CNTNAP2: variants seen among roughly 807,000 people sequenced by gnomAD.
The protein encoded by CNTNAP2 is contactin-associated protein-like 2.
Under a neutral mutation model 155.2 loss-of-function variants are expected in CNTNAP2, and 98 were observed. The ratio of observed to expected loss-of-function variants is 0.63; its 90% CI spans 0.54 to 0.75. The LOEUF (loss-of-function observed/expected upper bound fraction) is 0.75, where lower values mean the gene tolerates loss of function less well. CNTNAP2 is among the 30% of genes least tolerant of loss of function. The pLI is 0.00. For synonymous variants in CNTNAP2, 651 were observed against 631.2 expected (o/e 1.03, Z -0.47); for missense variants, 1,727 against 1,688.1 (o/e 1.02, Z -0.40).
intron 15 of CNTNAP2, among the ~76,000 whole-genome samples, chr7:148,058,410 C>T (rs556384726): frequency 6.6e-6 from 1 of 152,258 alleles, no homozygotes; most frequent in South Asian, 2.1e-4. Context: ...GGGCCCTTCT[C>T]GTTTTGCCTG....
chr7:146,569,182 A>G (rs1027003468), intron 1 of CNTNAP2, among the ~76,000 whole-genome samples: 12 of 151,872 alleles, frequency 7.9e-5, no homozygotes, highest in African/African-American at 2.7e-4. Flanking sequence ...ACGCCCGGCT[A>G]ATTTTTTGTA....
chr7:147,775,337 A>ATCTG (rs1797560066), intron 13 of CNTNAP2, among the ~76,000 whole-genome samples: 1 of 50,220 alleles, frequency 2.0e-5, no homozygotes, highest in African/African-American at 1.6e-4. Context: ...ATATATTTAT[A>ATCTG]AATATATATA....
intron 13 of CNTNAP2, among the ~76,000 whole-genome samples, chr7:147,854,545 A>G (rs1184372831): frequency 6.6e-6 from 1 of 152,074 alleles, no homozygotes; most frequent in East Asian, 1.9e-4. Context: ...ACATTTAGAA[A>G]ATATAAAACT....
chr7:146,527,097 A>G (rs1019618841), intron 1 of CNTNAP2, among the ~76,000 whole-genome samples: 6 of 152,116 alleles, frequency 3.9e-5, no homozygotes, highest in Admixed American at 2.6e-4. Flanking sequence ...TTTTTTTAGA[A>G]AAAAAAATCC....
At chr7:147,127,391 T>C (rs1017599583) in intron 6 of CNTNAP2, among the ~76,000 whole-genome samples, 9 of 152,056 alleles carry the variant, frequency 5.9e-5, no homozygotes, top group Non-Finnish European at 8.8e-5. Flanking sequence ...TTTTTTTTTT[T>C]ACCATCACCT....
chr7:147,905,964 A>G (rs1175889994), intron 14 of CNTNAP2, among the ~76,000 whole-genome samples: 1 of 152,018 alleles, frequency 6.6e-6, no homozygotes, highest in Non-Finnish European at 1.5e-5. Context: ...GGAGTGAAGG[A>G]AGGAATCCAT....
At chr7:148,297,763 T>C (rs2116493506) in intron 21 of CNTNAP2, among the ~76,000 whole-genome samples, 1 of 152,268 alleles carries the variant, frequency 6.6e-6, no homozygotes, top group Non-Finnish European at 1.5e-5. Context: ...TTGGATCATT[T>C]TCGTGTTCTG....
chr7:147,734,672 T>C (rs903794173), intron 13 of CNTNAP2, among the ~76,000 whole-genome samples: 1 of 152,198 alleles, frequency 6.6e-6, no homozygotes, highest in African/African-American at 2.4e-5. Flanking sequence ...GGTAAGCTAT[T>C]AATTATTGCC....
At chr7:146,131,733 T>C (rs904347076) in intron 1 of CNTNAP2, among the ~76,000 whole-genome samples, 11 of 152,184 alleles carry the variant, frequency 7.2e-5, no homozygotes, top group Non-Finnish European at 1.6e-4. Flanking sequence ...AAGTACTAGA[T>C]GATTATGCAT....
chr7:148,075,618 A>T (rs953355395), intron 15 of CNTNAP2, among the ~76,000 whole-genome samples: 1 of 152,198 alleles, frequency 6.6e-6, no homozygotes, highest in Non-Finnish European at 1.5e-5. Context: ...ATGGAGCCTC[A>T]GCAACAACAA....
chr7:147,569,049 C>A (rs1292931135), intron 12 of CNTNAP2, among the ~76,000 whole-genome samples: 1 of 152,132 alleles, frequency 6.6e-6, no homozygotes, highest in African/African-American at 2.4e-5. Flanking sequence ...TTCTTCCTAG[C>A]CCTGGTTTTG....
intron 1 of CNTNAP2, among the ~76,000 whole-genome samples, chr7:146,603,052 C>A (rs1798975666): frequency 6.6e-6 from 1 of 151,462 alleles, no homozygotes; most frequent in Non-Finnish European, 1.5e-5. Context: ...AAGCATAGGG[C>A]TCTGCACTTA....
At chr7:147,005,718 G>A (rs1163391550) in intron 3 of CNTNAP2, among the ~76,000 whole-genome samples, 3 of 152,028 alleles carry the variant, frequency 2.0e-5, no homozygotes, top group East Asian at 3.9e-4. Context: ...TGGTGATTTA[G>A]TTATCCTTTT....
At chr7:146,412,730 A>G (rs955246641) in intron 1 of CNTNAP2, among the ~76,000 whole-genome samples, 1 of 152,222 alleles carries the variant, frequency 6.6e-6, no homozygotes, top group Non-Finnish European at 1.5e-5. Flanking sequence ...GAATTAATTC[A>G]CTAGTTACAT....
intron 10 of CNTNAP2, among the ~76,000 whole-genome samples, chr7:147,468,182 A>G (rs1352294197): frequency 2.0e-5 from 3 of 152,124 alleles, no homozygotes; most frequent in South Asian, 2.1e-4. Flanking sequence ...TTTCAGCTAT[A>G]TAAGAGGCTG....
intron 8 of CNTNAP2, among the ~76,000 whole-genome samples, chr7:147,182,260 C>T (rs1802476688): frequency 6.6e-6 from 1 of 151,898 alleles, no homozygotes; most frequent in Non-Finnish European, 1.5e-5. Flanking sequence ...TAGTACAGCC[C>T]ATTAATTATT....
intron 1 of CNTNAP2, among the ~76,000 whole-genome samples, chr7:146,371,525 C>T (rs574498707): frequency 3.5e-4 from 53 of 151,820 alleles, no homozygotes; most frequent in African/African-American, 1.1e-3. Context: ...CCCGCCACCG[C>T]GCCAGCTAAT....
chr7:147,307,237 T>C (rs969518915), intron 9 of CNTNAP2, among the ~76,000 whole-genome samples: 1 of 152,154 alleles, frequency 6.6e-6, no homozygotes, highest in Admixed American at 6.5e-5. Context: ...TCCTCACATT[T>C]AACATATAAA....
intron 3 of CNTNAP2, among the ~76,000 whole-genome samples, chr7:146,922,868 AT>A (rs1384947847): frequency 2.0e-5 from 3 of 152,136 alleles, no homozygotes; most frequent in Non-Finnish European, 2.9e-5. Flanking sequence ...TATATCTAAT[AT>A]TTTTTACTCT....
Sources: gnomAD v4.1 joint callset for allele counts (sites outside exome capture counted in the v4.1 genomes callset) on GRCh38, gnomAD v4.1.1 for gene constraint, MANE v1.5 for transcripts, NCBI Gene and HGNC (gene_info 2026-07-23, HGNC 2026-07-21) for gene names.